The following L3MBTL4 variants were observed in gnomAD, a reference collection of about 807,000 sequenced individuals.
L3MBTL4 encodes the protein lethal(3)malignant brain tumor-like protein 4.
Under a neutral mutation model 84.5 loss-of-function variants are expected in L3MBTL4, and 70 were observed. The ratio of observed to expected loss-of-function variants is 0.83; its 90% CI spans 0.68 to 1.01. The LOEUF (loss-of-function observed/expected upper bound fraction) is 1.01, where lower values mean the gene tolerates loss of function less well. Ranked by LOEUF, L3MBTL4 falls within the 50% of genes least tolerant of loss-of-function variation. The pLI is 0.00. For synonymous variants in L3MBTL4, 274 were observed against 259.8 expected, an observed-to-expected ratio of 1.05 and a Z score of -0.52; for missense variants, 715 against 754.8, an observed-to-expected ratio of 0.95 and a Z score of 0.62.
At chr18:6,364,518 A>G (rs1396433591) in intron 1 of L3MBTL4, among the ~76,000 whole-genome samples, 3 of 152,236 alleles carry the variant, frequency 2.0e-5, no homozygotes, top group Middle Eastern at 6.8e-3. Context: ...AGAGTCCACA[A>G]TTCAAACCTA....
chr18:6,168,559 G>GA lies in L3MBTL4; in HGVS notation c.1096+3268dup, dbSNP rs996149527. Among the ~76,000 whole-genome samples the GA allele has an allele frequency of 2.6e-5, 4 of 152,104 alleles. 1 individual carries two copies. The South Asian group carries it at 8.3e-4, about 32-fold the overall frequency. Reference sequence around the variant, plus strand: ...ACTATCTGATCTTTGACAAACCTGAGAAAAAAAGCAATGGGGAAAGGATTC... The same window carrying GA: ...ACTATCTGATCTTTGACAAACCTGAGAAAAAAAAGCAATGGGGAAAGGATTC... On this transcript the variant is annotated intron_variant, in intron 13 of 18. Coordinates refer to ENST00000317931, the MANE Select transcript of L3MBTL4 (RefSeq NM_001330559.2).
chr18:6,077,166 A>AT (rs2057882543), intron 16 of L3MBTL4, among the ~76,000 whole-genome samples: 1 of 152,284 alleles, frequency 6.6e-6, no homozygotes, highest in Admixed American at 6.5e-5. Flanking sequence ...TTCATGCATT[A>AT]TTTTACTTCG....
rs76505965 is a variant in L3MBTL4 at position 6,280,029 on chromosome 18, T to A, written c.128-15991A>T. On this transcript the variant is annotated intron_variant, in intron 4 of 18. Coordinates refer to ENST00000317931, the MANE Select transcript of L3MBTL4 (RefSeq NM_001330559.2). Reference sequence around the variant, plus strand: ...TCAAGATTATTTTTTCCCTTGACAGTAAAAATGTTTCAAATAAATTCTTTT... The same window carrying A: ...TCAAGATTATTTTTTCCCTTGACAGAAAAAATGTTTCAAATAAATTCTTTT... 5.8e-3 allele frequency among the ~76,000 whole-genome samples: 885 copies of A among 152,308 alleles called. 3 individuals carry two copies. Among genetic ancestry groups the A allele is most frequent in the Middle Eastern group, 0.02 (6 of 294 alleles).
chr18:6,267,075 A>T (rs2048667000), intron 4 of L3MBTL4, among the ~76,000 whole-genome samples: 1 of 152,164 alleles, frequency 6.6e-6, no homozygotes, highest in Non-Finnish European at 1.5e-5. Context: ...TGAAAAATAA[A>T]TCATATATAC....
At chr18:6,216,587 T>C (rs2046337524) in intron 10 of L3MBTL4, among the ~76,000 whole-genome samples, 1 of 152,194 alleles carries the variant, frequency 6.6e-6, no homozygotes, top group African/African-American at 2.4e-5. Flanking sequence ...ATTTTATATT[T>C]GTTTTGTCAA....
chr18:5,962,079 A>G (rs1031797845), intron 17 of L3MBTL4, among the ~76,000 whole-genome samples: 2 of 152,128 alleles, frequency 1.3e-5, no homozygotes, highest in East Asian at 1.9e-4. Context: ...TGAATTTTCA[A>G]TGAGTTGATT....
intron 16 of L3MBTL4, among the ~76,000 whole-genome samples, chr18:5,996,731 G>A (rs1432874226): frequency 1.3e-5 from 2 of 152,194 alleles, no homozygotes; most frequent in African/African-American, 4.8e-5. Flanking sequence ...CCAGAAAGCA[G>A]CAGAAAGTCA....
chr18:6,250,638 G>C (rs1186867157), intron 5 of L3MBTL4, among the ~76,000 whole-genome samples: 1 of 152,106 alleles, frequency 6.6e-6, no homozygotes, highest in Non-Finnish European at 1.5e-5. Flanking sequence ...TGAGAGAGGT[G>C]GGGGAAATTG....
chr18:6,406,524 T>C (rs937596153), intron 1 of L3MBTL4, among the ~76,000 whole-genome samples: 9 of 152,218 alleles, frequency 5.9e-5, no homozygotes, highest in Non-Finnish European at 1.2e-4. Context: ...CAAAACAGGC[T>C]GGGTTAAATC....
intron 14 of L3MBTL4, among the ~76,000 whole-genome samples, chr18:6,113,372 T>G (rs937394339): frequency 6.7e-6 from 1 of 148,724 alleles, no homozygotes; most frequent in African/African-American, 2.5e-5. Context: ...AAAGAAGGCT[T>G]ATTCAAAATA....
intron 16 of L3MBTL4, among the ~76,000 whole-genome samples, chr18:6,027,455 G>A (rs2055563888): frequency 6.6e-6 from 1 of 152,176 alleles, no homozygotes. Flanking sequence ...ATTTGGGTTG[G>A]TTCTAAGTCT....
intron 1 of L3MBTL4, among the ~76,000 whole-genome samples, chr18:6,332,969 A>G (rs1038306541): frequency 1.3e-5 from 2 of 152,216 alleles, no homozygotes; most frequent in Non-Finnish European, 2.9e-5. Context: ...TGTAATCCCA[A>G]CGTTACTCTA....
intron 13 of L3MBTL4, among the ~76,000 whole-genome samples, chr18:6,160,243 G>A (rs1014982548): frequency 4.6e-5 from 7 of 152,188 alleles, no homozygotes; most frequent in Non-Finnish European, 7.3e-5. Context: ...AAGAGGAGCC[G>A]GCGTTCATTC....
intron 16 of L3MBTL4, among the ~76,000 whole-genome samples, chr18:6,044,888 A>C (rs1343802153): frequency 6.6e-6 from 1 of 152,188 alleles, no homozygotes; most frequent in Non-Finnish European, 1.5e-5. Flanking sequence ...TCAACTCTCC[A>C]CAATCTATTT....
At chr18:6,408,283 G>A (rs1483962323) in intron 1 of L3MBTL4, among the ~76,000 whole-genome samples, 2 of 152,158 alleles carry the variant, frequency 1.3e-5, no homozygotes, top group African/African-American at 2.4e-5. Flanking sequence ...AAGCCAGTAC[G>A]TTCATGCACA....
intron 1 of L3MBTL4, among the ~76,000 whole-genome samples, chr18:6,358,215 T>C (rs2053530331): frequency 6.6e-6 from 1 of 152,218 alleles, no homozygotes; most frequent in South Asian, 2.1e-4. Context: ...TAACTTACAC[T>C]TTACTAAGAG....
At chr18:6,287,187 A>G (rs1374739420) in intron 4 of L3MBTL4, among the ~76,000 whole-genome samples, 2 of 152,224 alleles carry the variant, frequency 1.3e-5, no homozygotes, top group African/African-American at 2.4e-5. Flanking sequence ...GCATGCCAAG[A>G]TATTTTCTAG....
intron 17 of L3MBTL4, among the ~76,000 whole-genome samples, chr18:5,961,988 G>A (rs975081370): frequency 2.0e-5 from 3 of 152,130 alleles, no homozygotes. Context: ...CAACTGTGCT[G>A]GCTATATATA....
chr18:6,117,597 GC>G (rs1415193266), intron 14 of L3MBTL4, among the ~76,000 whole-genome samples: 1 of 152,210 alleles, frequency 6.6e-6, no homozygotes, highest in Non-Finnish European at 1.5e-5. Flanking sequence ...TGCTGAATCT[GC>G]TACTTACTAG....
Sources: gnomAD v4.1 joint callset for allele counts (sites outside exome capture counted in the v4.1 genomes callset) on GRCh38, gnomAD v4.1.1 for gene constraint, MANE v1.5 for transcripts, NCBI Gene and HGNC (gene_info 2026-07-23, HGNC 2026-07-21) for gene names.